The following PALD1 variants were observed in gnomAD, a reference collection of about 807,000 sequenced individuals.
PALD1 encodes phosphatase domain containing paladin 1.
A neutral mutation model predicts 96.0 loss-of-function variants in PALD1; 57 were observed. That is an observed-to-expected ratio of 0.59 (90% CI 0.48 to 0.74). The LOEUF (loss-of-function observed/expected upper bound fraction) is 0.74. Ranked by LOEUF, PALD1 falls within the 30% of genes least tolerant of loss-of-function variation. The pLI is 0.00. For synonymous variants in PALD1, 464 were observed against 473.6 expected, an observed-to-expected ratio of 0.98 and a Z score of 0.26; for missense variants, 1,063 against 1,143.7, an observed-to-expected ratio of 0.93 and a Z score of 1.02.
chr10:70,511,041 G>GC (rs1437905024), intron 1 of PALD1, among the ~76,000 whole-genome samples: 1 of 152,144 alleles, frequency 6.6e-6, no homozygotes, highest in Non-Finnish European at 1.5e-5. Flanking sequence ...GGAGCTGCCA[G>GC]CCCACAGTGT....
chr10:70,516,748 A>G (rs1846627451), intron 1 of PALD1, among the ~76,000 whole-genome samples: 2 of 151,704 alleles, frequency 1.3e-5, no homozygotes. Context: ...TTTGGCAGAG[A>G]CAGCGTTTCT....
chr10:70,473,223 G>T, the PALD1 span, among the ~76,000 whole-genome samples: 1 of 152,160 alleles, frequency 6.6e-6, no homozygotes, highest in African/African-American at 2.4e-5. Flanking sequence ...CCAGCACCCT[G>T]GCCCCACCCC....
chr10:70,566,417 C>T (rs1189661629), intron 19 of PALD1, among the ~76,000 whole-genome samples, 164 bp from the exon 20 acceptor site: 2 of 152,152 alleles, frequency 1.3e-5, no homozygotes, highest in East Asian at 1.9e-4. Flanking sequence ...GAGTCTTTTC[C>T]TTGCTATGAG....
At chr10:70,543,248 T>G (rs1255339434) in intron 17 of PALD1, among the ~76,000 whole-genome samples, 1 of 152,206 alleles carries the variant, frequency 6.6e-6, no homozygotes, top group Non-Finnish European at 1.5e-5. Context: ...ATTGGATTGT[T>G]GTTGAGTTTT....
Position 70,491,542 on chromosome 10 carries a change from A to G in PALD1, c.-30+12483A>G, listed in dbSNP as rs1353794790. On this transcript the variant is annotated intron_variant, in intron 1 of 19. Transcript: ENST00000263563. The stretch of plus-strand genomic sequence containing the variant: ...AAACTTGAGGCTCAAATTGTAGGGC[A>G]CTGCTTGCTTATGAGATGGTTATTC... Among the ~76,000 whole-genome samples, 2 of 152,190 alleles carry G rather than the reference A, an allele frequency of 1.3e-5. 1 individual carries two copies. Among genetic ancestry groups the G allele is most frequent in the African/African-American group, 4.8e-5 (2 of 41,446 alleles).
At chr10:70,487,974 A>G (rs1203112656) in intron 1 of PALD1, among the ~76,000 whole-genome samples, 4 of 152,208 alleles carry the variant, frequency 2.6e-5, no homozygotes, top group Non-Finnish European at 4.4e-5. Flanking sequence ...CTCATATAAC[A>G]GGTAGCTTTT....
At chr10:70,477,631 T>C (rs913340724), upstream of PALD1, among the ~76,000 whole-genome samples, 1 of 152,204 alleles carries the variant, frequency 6.6e-6, no homozygotes, top group African/African-American at 2.4e-5. Context: ...GCTAGGGACA[T>C]GGTGAGACCA....
intron 10 of PALD1, among the ~76,000 whole-genome samples, chr10:70,537,537 C>T (rs551589491): frequency 2.0e-5 from 3 of 152,342 alleles, no homozygotes; most frequent in Admixed American, 1.3e-4. Flanking sequence ...CCTGTCTTGG[C>T]GCTGGGAGCC....
chr10:70,528,423 AT>A (rs199518766), intron 2 of PALD1, among the ~76,000 whole-genome samples: 1,976 of 152,326 alleles, frequency 0.013, 46 homozygotes, highest in African/African-American at 0.045. Flanking sequence ...AGCACTTACA[AT>A]CATTAGCACA....
chr10:70,511,431 G>A (rs1470259692), intron 1 of PALD1, among the ~76,000 whole-genome samples: 2 of 152,174 alleles, frequency 1.3e-5, no homozygotes, highest in Non-Finnish European at 2.9e-5. Context: ...CAGCAGGATC[G>A]AGACAGGGAG....
At chr10:70,493,754 A>C (rs1846138664) in intron 1 of PALD1, among the ~76,000 whole-genome samples, 1 of 152,208 alleles carries the variant, frequency 6.6e-6, no homozygotes, top group Non-Finnish European at 1.5e-5. Context: ...CACCTTCAGC[A>C]TGGATGCACG....
chr10:70,541,748 G>A (rs1002348521), intron 17 of PALD1, among the ~76,000 whole-genome samples: 3 of 152,162 alleles, frequency 2.0e-5, no homozygotes, highest in Non-Finnish European at 4.4e-5. Flanking sequence ...CGGCTATGGA[G>A]ATGTGGGCTG....
In PALD1 at chr10:70,530,026, G is replaced by T. The variant is rs768968808; in HGVS notation, c.426G>T (p.Gly142=). 3 of 1,560,960 alleles carry T rather than the reference G, an allele frequency of 1.9e-6. No homozygotes were observed. The highest frequency in any genetic ancestry group is 1.2e-5 in the South Asian group (1 of 84,632). Residue 142 remains glycine, a synonymous_variant, in exon 4 of 20, where the codon GGG becomes GGT. Coordinates refer to ENST00000263563, the MANE Select transcript of PALD1 (RefSeq NM_014431.3). ...VFGMGQPSLS[G]FRRVLQKLQK... ...GCATGGGACAGCCCAGCCTCTCAGGGTTCAGGCGGGTCCTCCAGAAACTCC... is the reference window on the plus strand; with the variant it reads ...GCATGGGACAGCCCAGCCTCTCAGGTTTCAGGCGGGTCCTCCAGAAACTCC...
chr10:70,468,206 T>C, the PALD1 span, among the ~76,000 whole-genome samples: 1 of 152,106 alleles, frequency 6.6e-6, no homozygotes, highest in African/African-American at 2.4e-5. Context: ...GTCGGAGTAG[T>C]TGCCTGTCTT....
Position 70,478,993 on chromosome 10 carries a change from CCCGCAGTTCGGGCGCAGCACGCCGG to C in PALD1, c.-89_-65del, listed in dbSNP as rs1432554887. On this transcript the variant is annotated 5_prime_UTR_variant, in exon 1 of 20. It removes the in-frame stop codon of an upstream open reading frame in the 5' UTR. Transcript: ENST00000263563. ...CGCCCCGTCGCTGCCTGACTCGGCG[CCCGCAGTTCGGGCGCAGCACGCCGG>C]CCGCAGGAGCACGGATGCCCCCCGG... 4.1e-4 allele frequency: 63 copies of C among 152,280 alleles called. No homozygotes were observed. Among genetic ancestry groups the C allele is most frequent in the African/African-American group, 1.5e-3 (61 of 41,566 alleles). The allele number at this position is 152,280 out of a possible 1,614,324, so 9.4% of individuals were successfully genotyped here. A position where few individuals can be genotyped will look rare whatever the true frequency, so the allele number is the denominator to read the frequency against.
rs2297645 is a variant in PALD1 at position 70,534,861 on chromosome 10, G to A, written c.1227+18G>A. The A allele has an allele frequency of 1.8e-3, 2,722 of 1,496,444 alleles. 19 individuals are homozygous for A. In the East Asian group the frequency reaches 0.024, roughly 13 times the overall value. 92.7% of individuals were successfully genotyped at this position (1,496,444 alleles called of 1,614,324 possible). On this transcript the variant is annotated intron_variant, in intron 10 of 19. Transcript: ENST00000263563. The stretch of plus-strand genomic sequence containing the variant: ...CAGCCCAGGTGAGGCATGGAAGGAC[G>A]TGTGAGCACTCTGCTTCTCTGTGAG...
intron 1 of PALD1, among the ~76,000 whole-genome samples, chr10:70,493,023 A>G (rs1846124802): frequency 6.6e-6 from 1 of 152,112 alleles, no homozygotes; most frequent in South Asian, 2.1e-4. Flanking sequence ...CCATAGTCCC[A>G]TTTTTGTGGG....
At chr10:70,466,322 T>G in the PALD1 span, among the ~76,000 whole-genome samples, 1 of 152,156 alleles carries the variant, frequency 6.6e-6, no homozygotes, top group East Asian at 1.9e-4. Flanking sequence ...CTCAGCTCAC[T>G]GCAACCTCTG....
chr10:70,532,632 T>C lies in PALD1; in HGVS notation c.645T>C (p.Phe215=). The change falls in exon 6 of 20, where the codon TTT becomes TTC. Residue 215 remains phenylalanine, a synonymous_variant. Coordinates refer to ENST00000263563, the MANE Select transcript of PALD1 (RefSeq NM_014431.3). ...ELAIRKEIHD[F]AQLSENTYHV... ...ACACCTCCCTCTAGATCCACGACTT[T>C]GCCCAGCTGAGCGAGAACACATACC... 1 of 1,614,114 alleles carries C rather than the reference T, an allele frequency of 6.2e-7. No individual in the cohort carries two copies. Among genetic ancestry groups the C allele is most frequent in the Non-Finnish European group, 8.5e-7 (1 of 1,179,988 alleles).
Sources: allele counts gnomAD v4.1 joint callset (sites outside exome capture counted in the v4.1 genomes callset), GRCh38; gene constraint gnomAD v4.1.1; transcripts MANE v1.5; gene names NCBI Gene and HGNC (gene_info 2026-07-23, HGNC 2026-07-21).